Variants in GRID1 observed in about 807,000 individuals in gnomAD.
The protein encoded by GRID1 is glutamate receptor ionotropic, delta-1.
In GRID1, 28 loss-of-function variants were observed where a neutral mutation model predicts 98.0. The observed-to-expected ratio is 0.29, with a 90% CI of 0.21 to 0.39. GRID1 has a LOEUF of 0.39. Among genes scored for constraint, GRID1 ranks in the 10% least tolerant of loss-of-function variants. The pLI is 1.00. For missense variants in GRID1, 1,111 were observed against 1,340.5 expected, an observed-to-expected ratio of 0.83 and a Z score of 2.67; for synonymous variants, 553 against 538.5, an observed-to-expected ratio of 1.03 and a Z score of -0.37.
chr10:85,669,548 C>G (rs1171226279), intron 12 of GRID1, among the ~76,000 whole-genome samples: 1 of 152,154 alleles, frequency 6.6e-6, no homozygotes, highest in Non-Finnish European at 1.5e-5. Flanking sequence ...CATACCCACA[C>G]CCTCACCCTG....
intron 2 of GRID1, among the ~76,000 whole-genome samples, chr10:86,353,791 GGC>G (rs1848496751): frequency 6.6e-6 from 1 of 152,214 alleles, no homozygotes; most frequent in Admixed American, 6.5e-5. Flanking sequence ...GGTGAGTGAG[GGC>G]AGGTACCCTG....
chr10:85,727,650 T>C (rs1018201506), intron 10 of GRID1, among the ~76,000 whole-genome samples: 2 of 151,978 alleles, frequency 1.3e-5, no homozygotes, highest in Non-Finnish European at 2.9e-5. Flanking sequence ...GGAGGTAACA[T>C]AGAGTGTCAG....
intron 3 of GRID1, among the ~76,000 whole-genome samples, chr10:86,170,055 T>C (rs1266948971): frequency 6.6e-6 from 1 of 152,222 alleles, no homozygotes; most frequent in African/African-American, 2.4e-5. Context: ...CCGCCCATCC[T>C]TAATGAAAAG....
chr10:85,716,926 T>C (rs1169386933), intron 12 of GRID1, among the ~76,000 whole-genome samples: 1 of 152,048 alleles, frequency 6.6e-6, no homozygotes, highest in Non-Finnish European at 1.5e-5. Context: ...GGAGAGTTTA[T>C]TGGTTGCCAG....
chr10:85,726,965 A>G (rs1841767537), intron 10 of GRID1, among the ~76,000 whole-genome samples: 1 of 152,224 alleles, frequency 6.6e-6, no homozygotes, highest in African/African-American at 2.4e-5. Flanking sequence ...TAGAAATCGG[A>G]CGAATGACAA....
At chr10:85,684,869 A>G (rs1467104106) in intron 12 of GRID1, among the ~76,000 whole-genome samples, 1 of 152,220 alleles carries the variant, frequency 6.6e-6, no homozygotes, top group Non-Finnish European at 1.5e-5. Flanking sequence ...ACTGTATCCC[A>G]CATGAGAGAA....
intron 4 of GRID1, among the ~76,000 whole-genome samples, chr10:86,111,098 G>A (rs569690475): frequency 1.1e-4 from 17 of 152,316 alleles, no homozygotes; most frequent in Admixed American, 9.8e-4. Context: ...AGTGGCTCCT[G>A]TAGGCCCCTT....
intron 2 of GRID1, among the ~76,000 whole-genome samples, chr10:86,305,813 C>T (rs1847751997): frequency 6.7e-6 from 1 of 149,746 alleles, no homozygotes; most frequent in Admixed American, 6.6e-5. Flanking sequence ...CCATTGAGCA[C>T]TTTCTATACT....
chr10:85,643,521 G>A (rs987075650), intron 13 of GRID1, among the ~76,000 whole-genome samples: 12 of 152,122 alleles, frequency 7.9e-5, no homozygotes, highest in African/African-American at 2.7e-4. Context: ...ATAGGAGTAG[G>A]GAAGAAGACA....
chr10:85,619,730 T>G, intron 14 of GRID1, 137 bp downstream of exon 14: 1 of 668,156 alleles, frequency 1.5e-6, no homozygotes, highest in Non-Finnish European at 2.6e-6. Flanking sequence ...GAGGAAGCAG[T>G]GGGACATAGT....
chr10:85,719,671 G>A (rs944067335), intron 12 of GRID1, among the ~76,000 whole-genome samples: 5 of 152,032 alleles, frequency 3.3e-5, no homozygotes, highest in African/African-American at 4.8e-5. Context: ...CCCACAACAC[G>A]TGGGAATTCT....
At chr10:85,856,842 C>T (rs140927424) in intron 6 of GRID1, among the ~76,000 whole-genome samples, 15 of 152,346 alleles carry the variant, frequency 9.8e-5, no homozygotes, top group African/African-American at 2.9e-4. Flanking sequence ...GAACTGAAAG[C>T]AGTTCAAGAC....
At chr10:85,874,742 T>C (rs1288346766) in intron 5 of GRID1, among the ~76,000 whole-genome samples, 2 of 152,266 alleles carry the variant, frequency 1.3e-5, no homozygotes, top group East Asian at 1.9e-4. Context: ...GAACGTTTCA[T>C]GTGCATTCAC....
At chr10:85,928,946 C>G (rs1280665264) in intron 4 of GRID1, among the ~76,000 whole-genome samples, 1 of 152,212 alleles carries the variant, frequency 6.6e-6, no homozygotes, top group East Asian at 1.9e-4. Flanking sequence ...GAAGAGGACT[C>G]CAAACCTAGT....
Position 85,704,620 on chromosome 10 carries a change from T to C in GRID1, c.1997+18383A>G, listed in dbSNP as rs866160794. Reference sequence around the variant, plus strand: ...AACTCAGCTCTGCACCAAGTGGACCTAATAGACATCTACAGAACTCTCCAC... The same window carrying C: ...AACTCAGCTCTGCACCAAGTGGACCCAATAGACATCTACAGAACTCTCCAC... On this transcript the variant is annotated intron_variant, in intron 12 of 15. Coordinates refer to ENST00000327946, the MANE Select transcript of GRID1 (RefSeq NM_017551.3). 1.8e-4 allele frequency among the ~76,000 whole-genome samples: 28 copies of C among 152,216 alleles called. 1 individual carries two copies. The highest frequency in any genetic ancestry group is 1.3e-4 in the Admixed American group (2 of 15,278).
intron 4 of GRID1, among the ~76,000 whole-genome samples, chr10:85,964,315 A>G (rs1481880191): frequency 1.3e-5 from 2 of 152,228 alleles, no homozygotes; most frequent in South Asian, 4.1e-4. Context: ...GGAACCAAAA[A>G]AGAGACCACA....
At chr10:85,695,318 C>T (rs985616272) in intron 12 of GRID1, among the ~76,000 whole-genome samples, 2 of 152,178 alleles carry the variant, frequency 1.3e-5, no homozygotes, top group Non-Finnish European at 2.9e-5. Context: ...CTGGATGTGA[C>T]ATGAGAGAAG....
At chr10:86,080,440 A>G (rs1255020494) in intron 4 of GRID1, among the ~76,000 whole-genome samples, 1 of 13,628 alleles carries the variant, frequency 7.3e-5, no homozygotes. Flanking sequence ...AGGGGAGGGG[A>G]GGGGAGGGGA....
At chr10:86,007,911 C>A (rs578221634) in intron 4 of GRID1, among the ~76,000 whole-genome samples, 4 of 151,750 alleles carry the variant, frequency 2.6e-5, no homozygotes, top group South Asian at 2.1e-4. Flanking sequence ...GGCTCCAGGA[C>A]ATGTCCCTTT....
Sources: gnomAD v4.1 joint callset for allele counts (sites outside exome capture counted in the v4.1 genomes callset) on GRCh38, gnomAD v4.1.1 for gene constraint, MANE v1.5 for transcripts, NCBI Gene and HGNC (gene_info 2026-07-23, HGNC 2026-07-21) for gene names.